Variants in UVRAG observed in about 807,000 individuals in gnomAD.
The protein encoded by UVRAG is UV radiation resistance associated.
A neutral mutation model predicts 78.0 loss-of-function variants in UVRAG; 19 were observed. The ratio of observed to expected loss-of-function variants is 0.24; its 90% CI spans 0.17 to 0.36. The LOEUF is 0.36. UVRAG is among the 10% of genes least tolerant of loss of function. UVRAG has a pLI of 1.00. For synonymous variants in UVRAG, 323 were observed against 324.6 expected, an observed-to-expected ratio of 1.00 and a Z score of 0.05; for missense variants, 740 against 853.8, an observed-to-expected ratio of 0.87 and a Z score of 1.66.
chr11:76,049,690 A>G (rs374601632), intron 12 of UVRAG, among the ~76,000 whole-genome samples: 13 of 152,204 alleles, frequency 8.5e-5, no homozygotes, highest in Non-Finnish European at 1.6e-4. Context: ...CCCTCCCTCC[A>G]TTCCACAAAT....
chr11:75,979,065 CCTTT>C (rs1300483311), intron 7 of UVRAG, among the ~76,000 whole-genome samples: 1 of 152,132 alleles, frequency 6.6e-6, no homozygotes, highest in African/African-American at 2.4e-5. Context: ...GTGTGGATAT[CCTTT>C]CTGTTTGTTA....
chr11:76,112,832 T>C (rs1252197059), intron 13 of UVRAG, among the ~76,000 whole-genome samples: 1 of 151,398 alleles, frequency 6.6e-6, no homozygotes, highest in Non-Finnish European at 1.5e-5. Flanking sequence ...GCTCAAGCAA[T>C]CCTCCCACCT....
At position 76,055,000 on chromosome 11, in the gene UVRAG, C is replaced by A. The variant is rs115074816; in HGVS notation, c.1227-10710C>A. 9.4e-3 allele frequency among the ~76,000 whole-genome samples: 1,430 copies of A among 152,300 alleles called. 22 individuals are homozygous for A. The highest frequency in any genetic ancestry group is 0.033 in the African/African-American group (1,362 of 41,558). On this transcript the variant is annotated intron_variant, in intron 12 of 14. Coordinates refer to ENST00000356136, the MANE Select transcript of UVRAG (RefSeq NM_003369.4). ...CTAATTTCAAATGCTCTTACGTCTT[C>A]TCTCTTTCAAATTTCTGACCTTTAC...
chr11:75,969,796 C>A (rs1386152856), intron 7 of UVRAG, among the ~76,000 whole-genome samples: 1 of 152,118 alleles, frequency 6.6e-6, no homozygotes, highest in African/African-American at 2.4e-5. Context: ...TGCCAAAAAT[C>A]GTTGTCCATG....
chr11:76,010,554 T>G (rs1950031622), intron 11 of UVRAG, among the ~76,000 whole-genome samples: 1 of 152,092 alleles, frequency 6.6e-6, no homozygotes, highest in African/African-American at 2.4e-5. Context: ...GAAGGAGGAA[T>G]GGGCTTGGCA....
In UVRAG at chr11:76,074,291, T is replaced by G. The variant is rs1951366023; in HGVS notation, c.1305+8503T>G. 2.0e-5 allele frequency among the ~76,000 whole-genome samples: 3 copies of G among 152,298 alleles called. No homozygotes were observed. In the South Asian group the frequency reaches 6.2e-4, roughly 32 times the overall value. On this transcript the variant is annotated intron_variant, in intron 13 of 14. Coordinates refer to ENST00000356136, the MANE Select transcript of UVRAG (RefSeq NM_003369.4). ...TGGCCATCCAGATTTTCTGTGAAAC[T>G]CTTCAATTGCTCCAAGACACATGTG...
intron 12 of UVRAG, among the ~76,000 whole-genome samples, chr11:76,039,225 G>A (rs1228964378): frequency 2.0e-5 from 3 of 152,202 alleles, no homozygotes; most frequent in African/African-American, 7.2e-5. Flanking sequence ...TGAATACATG[G>A]AAAATATATG....
intron 5 of UVRAG, among the ~76,000 whole-genome samples, chr11:75,896,491 G>A (rs1305331435): frequency 2.6e-5 from 4 of 152,140 alleles, no homozygotes; most frequent in African/African-American, 9.7e-5. Flanking sequence ...GGATATTGGA[G>A]TCAGATTGAT....
intron 12 of UVRAG, among the ~76,000 whole-genome samples, chr11:76,042,054 T>C (rs1426664117): frequency 1.4e-4 from 22 of 152,212 alleles, no homozygotes; most frequent in Admixed American, 1.4e-3. Context: ...ACATACTGTT[T>C]AGAAGTTTGT....
rs1324645130 is a variant in UVRAG at position 76,084,554 on chromosome 11, T to G, written c.1305+18766T>G. Among the ~76,000 whole-genome samples the G allele has an allele frequency of 3.3e-5, 5 of 152,352 alleles. No individual in the cohort carries two copies. In the East Asian group the frequency reaches 7.7e-4, roughly 23 times the overall value. ...ATTTTATATACTTTTTCCAATAAAA[T>G]GTATGATCCGAGTTTTCCTGTATTT... is the stretch of plus-strand genomic sequence containing the variant. On this transcript the variant is annotated intron_variant, in intron 13 of 14. Transcript: ENST00000356136.
intron 12 of UVRAG, among the ~76,000 whole-genome samples, chr11:76,034,547 G>A (rs1005913293): frequency 6.6e-6 from 1 of 152,040 alleles, no homozygotes; most frequent in Non-Finnish European, 1.5e-5. Context: ...TAAAAGTCTA[G>A]GATATATGTT....
intron 1 of UVRAG, among the ~76,000 whole-genome samples, chr11:75,841,479 C>T (rs1005303962): frequency 5.3e-5 from 8 of 152,064 alleles, no homozygotes; most frequent in African/African-American, 1.9e-4. Flanking sequence ...TTTACGTAAA[C>T]ATTAAACATT....
chr11:75,926,877 AT>A (rs1778520180), intron 6 of UVRAG, among the ~76,000 whole-genome samples: 1 of 152,038 alleles, frequency 6.6e-6, no homozygotes, highest in Admixed American at 6.6e-5. Flanking sequence ...TTGGCAAACA[AT>A]TTTAGGGTAA....
intron 8 of UVRAG, among the ~76,000 whole-genome samples, chr11:75,987,611 G>A (rs1291162907): frequency 6.6e-6 from 1 of 152,078 alleles, no homozygotes; most frequent in Non-Finnish European, 1.5e-5. Context: ...TCCAGTCTCA[G>A]TGAAAGCCTT....
intron 12 of UVRAG, among the ~76,000 whole-genome samples, chr11:76,063,678 G>A (rs146866163): frequency 6.6e-6 from 1 of 152,138 alleles, no homozygotes; most frequent in East Asian, 1.9e-4. Context: ...GAAATATATA[G>A]TTCATCCTCC....
intron 13 of UVRAG, among the ~76,000 whole-genome samples, chr11:76,088,536 A>T (rs1273270243): frequency 6.6e-6 from 1 of 151,036 alleles, no homozygotes; most frequent in Non-Finnish European, 1.5e-5. Context: ...TGCATGGCAA[A>T]GTCTTCACAT....
chr11:75,846,001 T>C (rs1384253624), intron 1 of UVRAG, among the ~76,000 whole-genome samples: 1 of 152,256 alleles, frequency 6.6e-6, no homozygotes, highest in African/African-American at 2.4e-5. Context: ...TACATTTTAA[T>C]TACTCCGAAT....
intron 7 of UVRAG, among the ~76,000 whole-genome samples, chr11:75,981,512 A>G (rs1311730454): frequency 6.6e-6 from 1 of 151,812 alleles, no homozygotes; most frequent in Admixed American, 6.6e-5. Context: ...GTACAATGGC[A>G]TCATCATAGC....
At chr11:75,917,026 C>A (rs987419196) in intron 6 of UVRAG, among the ~76,000 whole-genome samples, 3 of 152,222 alleles carry the variant, frequency 2.0e-5, no homozygotes, top group African/African-American at 4.8e-5. Flanking sequence ...GGGTGCATGA[C>A]TCCTGAACCA....
Sources: gnomAD v4.1 joint callset for allele counts (sites outside exome capture counted in the v4.1 genomes callset) on GRCh38, gnomAD v4.1.1 for gene constraint, MANE v1.5 for transcripts, NCBI Gene and HGNC (gene_info 2026-07-23, HGNC 2026-07-21) for gene names.